ZNF121: variants seen among roughly 807,000 people sequenced by gnomAD.
ZNF121 encodes the protein zinc finger protein 121.
In ZNF121, 1 loss-of-function variant was observed where a neutral mutation model predicts 2.4. The observed-to-expected ratio is 0.41, with a 90% CI of 0.15 to 1.94. ZNF121 has a LOEUF of 1.94. ZNF121 is among the 30% of genes most tolerant of loss of function. ZNF121 has a pLI of 0.30. For missense variants in ZNF121, 369 were observed against 466.3 expected (o/e 0.79, Z 1.92); for synonymous variants, 173 against 158.6 (o/e 1.09, Z -0.68).
chr19:9,570,745 G>C lies in ZNF121; in HGVS notation c.-159-1663C>G, dbSNP rs542451334. ...CCACACTTGGCTAATTTTTTGCGAG[G>C]GGGGGGGGTATTTTTAGTACAGACG... On this transcript the variant is annotated intron_variant, in intron 1 of 3. Transcript: ENST00000320451. Among the ~76,000 whole-genome samples the C allele has an allele frequency of 2.0e-4, 7 of 35,386 alleles. No homozygotes were observed. The South Asian group carries it at 7.0e-3, about 36-fold the overall frequency. 23.2% of individuals were successfully genotyped at this position (35,386 alleles called of 152,430 possible).
intron 1 of ZNF121, among the ~76,000 whole-genome samples, chr19:9,582,764 A>AC: frequency 6.6e-6 from 1 of 151,962 alleles, no homozygotes; most frequent in African/African-American, 2.4e-5. Context: ...AAAAAAAAAA[A>AC]AAACTACTAG....
Position 9,562,135 on chromosome 19 carries a change from T to G in ZNF121, c.*3805A>C, listed in dbSNP as rs2074104017. The G allele has an allele frequency of 6.6e-6, 1 of 151,844 alleles. No homozygotes were observed. The highest frequency in any genetic ancestry group is 2.1e-4 in the South Asian group (1 of 4,828). The allele number at this position is 151,844 out of a possible 1,614,324, so 9.4% of individuals were successfully genotyped here. A position where few individuals can be genotyped will look rare whatever the true frequency, so the allele number is the denominator to read the frequency against. On this transcript the variant is annotated 3_prime_UTR_variant, in exon 4 of 4. Transcript: ENST00000320451. ...ACAATATTTCAAACATTTTCCTTAT[T>G]ATTATACTTACTGTGGTGCTGTGTG... is the stretch of plus-strand genomic sequence containing the variant.
chr19:9,580,829 T>C (rs2074243730), intron 1 of ZNF121, among the ~76,000 whole-genome samples: 1 of 152,198 alleles, frequency 6.6e-6, no homozygotes, highest in African/African-American at 2.4e-5. Context: ...AGTCAATCCA[T>C]GCCCTCTTGT....
chr19:9,564,354 A>C lies in ZNF121; in HGVS notation c.*1586T>G, dbSNP rs553126613. On this transcript the variant is annotated 3_prime_UTR_variant, in exon 4 of 4. Transcript: ENST00000320451. ...GAATACCCACTTGTACTCCAGCATG[A>C]ACAACACAGCGAGACCTTGTCTCTA... 1.3e-5 allele frequency: 2 copies of C among 152,280 alleles called. No individual in the cohort carries two copies. Among genetic ancestry groups the C allele is most frequent in the African/African-American group, 4.8e-5 (2 of 41,544 alleles). 9.4% of individuals were successfully genotyped at this position (152,280 alleles called of 1,614,324 possible).
At chr19:9,581,771 C>T (rs767205364) in intron 1 of ZNF121, among the ~76,000 whole-genome samples, 2 of 152,022 alleles carry the variant, frequency 1.3e-5, no homozygotes. Flanking sequence ...CAAGAGCATA[C>T]GTTGAATCAA....
intron 1 of ZNF121, among the ~76,000 whole-genome samples, chr19:9,581,581 G>C (rs12460656): frequency 6.6e-6 from 1 of 151,956 alleles, no homozygotes; most frequent in African/African-American, 2.4e-5. Context: ...CTATGAATTA[G>C]AGAATAAAAG....
chr19:9,579,164 T>C (rs959227627), intron 1 of ZNF121, among the ~76,000 whole-genome samples: 3 of 152,110 alleles, frequency 2.0e-5, no homozygotes, highest in African/African-American at 7.2e-5. Flanking sequence ...TAGGGTGGCT[T>C]TTATAGACAG....
At position 9,566,769 on chromosome 19, in the gene ZNF121, A is replaced by C. The variant is rs2074135606; in HGVS notation, c.344T>G (p.Leu115Arg). 2 of 1,614,160 alleles carry C rather than the reference A, an allele frequency of 1.2e-6. No individual in the cohort carries two copies. Among genetic ancestry groups the C allele is most frequent in the Admixed American group, 1.7e-5 (1 of 60,016 alleles). Residue 115 changes from leucine to arginine, a missense_variant, in exon 4 of 4, where the codon CTC becomes CGC. Around this residue, in one of 4 missense-constraint regions of ZNF121, gnomAD observed 168 missense variants for 162.3 expected, o/e 1.03. Transcript: ENST00000320451. ...ANRITHNGET[L>R]YEQKQCGRAF... ...TCTCCCACATTGCTTCTGTTCATAG[A>C]GTGTTTCTCCATTGTGAGTTATCCT...
chr19:9,570,615 G>A (rs892191449), intron 1 of ZNF121, among the ~76,000 whole-genome samples: 4 of 152,116 alleles, frequency 2.6e-5, no homozygotes, highest in African/African-American at 7.2e-5. Context: ...TGCCCAGGAT[G>A]GAGTGCAATG....
At position 9,565,982 on chromosome 19, in the gene ZNF121, G is replaced by T; in HGVS notation, c.1131C>A (p.Tyr377Ter). 1 of 1,595,834 alleles carries T rather than the reference G, an allele frequency of 6.3e-7. No individual in the cohort carries two copies. Among genetic ancestry groups the T allele is most frequent in the Non-Finnish European group, 8.5e-7 (1 of 1,171,686 alleles). ...PYICNECGKA[Y>*]NRFYLLTKHL... ...GTTTAGTAAGTAAATAAAATCTATT[G>T]TAGGCTTTCCCACATTCGTTACATA... Residue 377 changes from tyrosine (Y) to a stop codon, truncating the protein, a stop_gained, in exon 4 of 4, where the codon TAC becomes TAA. Coordinates refer to ENST00000320451, the MANE Select transcript of ZNF121 (RefSeq NM_001008727.5). LOFTEE classifies it low-confidence loss of function (END_TRUNC).
At chr19:9,579,278 T>C (rs1410136186) in intron 1 of ZNF121, among the ~76,000 whole-genome samples, 4 of 152,196 alleles carry the variant, frequency 2.6e-5, no homozygotes, top group Non-Finnish European at 5.9e-5. Context: ...TACTCAGGTG[T>C]AGTGGCTCAT....
At position 9,563,182 on chromosome 19, in the gene ZNF121, G is replaced by T. The variant is rs569685659; in HGVS notation, c.*2758C>A. 1 of 151,586 alleles carries T rather than the reference G, an allele frequency of 6.6e-6. No homozygotes were observed. Among genetic ancestry groups the T allele is most frequent in the Non-Finnish European group, 1.5e-5 (1 of 67,984 alleles). 9.4% of individuals were successfully genotyped at this position (151,586 alleles called of 1,614,324 possible). A position where few individuals can be genotyped will look rare whatever the true frequency, so the allele number is the denominator to read the frequency against. On this transcript the variant is annotated 3_prime_UTR_variant, in exon 4 of 4. Coordinates refer to ENST00000320451, the MANE Select transcript of ZNF121 (RefSeq NM_001008727.5). ...ACTCCAGTGAACACACACATAATAAGAAAGGAAAACAGCCTCACCACTAAC... is the reference window on the plus strand; with the variant it reads ...ACTCCAGTGAACACACACATAATAATAAAGGAAAACAGCCTCACCACTAAC...
At chr19:9,578,824 A>G (rs998761071) in intron 1 of ZNF121, among the ~76,000 whole-genome samples, 1 of 152,166 alleles carries the variant, frequency 6.6e-6, no homozygotes, top group Non-Finnish European at 1.5e-5. Flanking sequence ...CAGGAGCAAA[A>G]ATAAACATAT....
intron 1 of ZNF121, among the ~76,000 whole-genome samples, chr19:9,582,634 C>G (rs188101289): frequency 2.0e-5 from 3 of 151,724 alleles, no homozygotes; most frequent in African/African-American, 7.3e-5. Context: ...TTCACATGGA[C>G]GCACCTAATG....
Position 9,565,102 on chromosome 19 carries a change from GTTA to G in ZNF121, c.*835_*837del, listed in dbSNP as rs2074120586. On this transcript the variant is annotated 3_prime_UTR_variant, in exon 4 of 4. Transcript: ENST00000320451. ...AAACCAAAACATTTGTATGATTCAT[GTTA>G]TTGTGATATTCACTTTATAGTGGTA... The G allele has an allele frequency of 6.6e-6, 1 of 152,008 alleles. No homozygotes were observed. 9.4% of individuals were successfully genotyped at this position (152,008 alleles called of 1,614,324 possible).
At chr19:9,579,902 A>G (rs2074236933) in intron 1 of ZNF121, among the ~76,000 whole-genome samples, 1 of 152,352 alleles carries the variant, frequency 6.6e-6, no homozygotes, top group South Asian at 2.1e-4. Context: ...ACATGTACTC[A>G]GAAAACATGT....
chr19:9,568,701 C>A (rs2074152212), intron 2 of ZNF121, among the ~76,000 whole-genome samples: 1 of 151,902 alleles, frequency 6.6e-6, no homozygotes, highest in Non-Finnish European at 1.5e-5. Context: ...ACAATTTATT[C>A]TATAGAAATT....
chr19:9,581,058 C>T (rs763310291), intron 1 of ZNF121, among the ~76,000 whole-genome samples: 4 of 152,132 alleles, frequency 2.6e-5, no homozygotes, highest in South Asian at 2.1e-4. Flanking sequence ...TGTAGGAAAT[C>T]GCATGAAATA....
intron 1 of ZNF121, among the ~76,000 whole-genome samples, chr19:9,580,313 A>G (rs1395666153): frequency 1.2e-4 from 18 of 151,680 alleles, no homozygotes; most frequent in Admixed American, 1.1e-3. Context: ...AGAAAAAAAA[A>G]AAGATAGATA....
Sources: gnomAD v4.1 joint callset for allele counts (sites outside exome capture counted in the v4.1 genomes callset) on GRCh38, gnomAD v4.1.1 for gene constraint, gnomAD v4.1.1 regional missense constraint, MANE v1.5 for transcripts, NCBI Gene and HGNC (gene_info 2026-07-23, HGNC 2026-07-21) for gene names.